C16orf89: variants seen among roughly 807,000 people sequenced by gnomAD.
C16orf89 encodes UPF0764 protein C16orf89.
In C16orf89, 57 loss-of-function variants were observed where a neutral mutation model predicts 41.5. The ratio of observed to expected loss-of-function variants is 1.38; its 90% CI spans 1.11 to 1.71. C16orf89 has a LOEUF of 1.71. C16orf89 is among the 40% of genes most tolerant of loss of function. C16orf89 has a pLI of 0.00. For missense variants in C16orf89, 575 were observed against 445.9 expected, an observed-to-expected ratio of 1.29 and a Z score of -2.61; for synonymous variants, 223 against 190.6, an observed-to-expected ratio of 1.17 and a Z score of -1.40.
intron 2 of C16orf89, among the ~76,000 whole-genome samples, chr16:5,061,917 G>T (rs1956634846): frequency 6.6e-6 from 1 of 152,138 alleles, no homozygotes; most frequent in South Asian, 2.1e-4. Flanking sequence ...GTCACTCGGG[G>T]CTGGTGAGGA....
intron 6 of C16orf89, among the ~76,000 whole-genome samples, chr16:5,050,319 G>C (rs997492963): frequency 6.6e-6 from 1 of 151,858 alleles, no homozygotes; most frequent in South Asian, 2.1e-4. Flanking sequence ...AGTGAGCTGA[G>C]ATTGCGCCAC....
In C16orf89 at chr16:5,062,520, A is replaced by G; in HGVS notation, c.263T>C (p.Leu88Pro). Residue 88 changes from leucine (L) to proline (P), a missense_variant, in exon 2 of 8, where the codon CTG becomes CCG. Transcript: ENST00000472572. The part of the protein sequence containing the change: ...KWAQEPLLQP[L>P]SLRVGMLGEK... ...CCCCAGCATCCCCACGCGCAGGCTC[A>G]GCGGCTGCAGCAGGGGCTCCTGGGC... The G allele has an allele frequency of 6.2e-7, 1 of 1,613,938 alleles. No homozygotes were observed. The highest frequency in any genetic ancestry group is 8.5e-7 in the Non-Finnish European group (1 of 1,179,870).
At position 5,047,894 on chromosome 16, in the gene C16orf89, T is replaced by C; in HGVS notation, c.939A>G (p.Arg313=). 1 of 1,589,714 alleles carries C rather than the reference T, an allele frequency of 6.3e-7. No individual in the cohort carries two copies. The highest frequency in any genetic ancestry group is 8.6e-7 in the Non-Finnish European group (1 of 1,158,736). ...QQHFSRRVKR[R]EKQFPDGCSS... is the part of the protein sequence containing the mutation. ...TTTCATTACCTGGAAATTGTTTTTC[T>C]CGCCTCTTCACTCTCCTCGAAAAAT... The change falls in exon 7 of 8, where the codon CGA becomes CGG. Residue 313 remains arginine (R), a synonymous_variant. Coordinates refer to ENST00000472572, the MANE Select transcript of C16orf89 (RefSeq NM_001098514.3).
intron 6 of C16orf89, among the ~76,000 whole-genome samples, chr16:5,051,350 C>A (rs1006623102): frequency 6.6e-6 from 1 of 152,072 alleles, no homozygotes; most frequent in South Asian, 2.1e-4. Flanking sequence ...ATGAATTCAA[C>A]AAAGTTGCAG....
In C16orf89 at chr16:5,056,070, T is replaced by G; in HGVS notation, c.746A>C (p.Asp249Ala). 1 of 1,595,134 alleles carries G rather than the reference T, an allele frequency of 6.3e-7. No homozygotes were observed. The highest frequency in any genetic ancestry group is 8.6e-7 in the Non-Finnish European group (1 of 1,164,402). ...EAIGYAYPTR[D>A]IFMENIMFCG... ...GGCCATACTGTTTTCCATGAAGATGTCCCGGGTAGGGTAGGCGTATCCGAT... is the reference window on the plus strand; with the variant it reads ...GGCCATACTGTTTTCCATGAAGATGGCCCGGGTAGGGTAGGCGTATCCGAT... The change falls in exon 5 of 8, where the codon GAC becomes GCC. Residue 249 changes from aspartate (D) to alanine (A), a missense_variant. By Grantham distance (126) the Asp-to-Ala change is moderately radical. Transcript: ENST00000472572.
intron 7 of C16orf89, among the ~76,000 whole-genome samples, chr16:5,045,191 A>C (rs1956273137): frequency 6.6e-6 from 1 of 152,194 alleles, no homozygotes; most frequent in Non-Finnish European, 1.5e-5. Context: ...CACGCACCGG[A>C]GTCCTGTCCC....
chr16:5,064,949 C>T (rs1208201665), intron 1 of C16orf89, among the ~76,000 whole-genome samples: 7 of 152,190 alleles, frequency 4.6e-5, no homozygotes, highest in African/African-American at 1.7e-4. Context: ...ATGCAATGCA[C>T]CTGGGTTGTG....
chr16:5,063,832 T>C (rs1190590462), intron 1 of C16orf89, among the ~76,000 whole-genome samples: 1 of 152,114 alleles, frequency 6.6e-6, no homozygotes, highest in Non-Finnish European at 1.5e-5. Context: ...ATAATAACAA[T>C]AAACAGAAAG....
At chr16:5,058,208 C>A (rs1309713221) in intron 4 of C16orf89, among the ~76,000 whole-genome samples, 2 of 151,936 alleles carry the variant, frequency 1.3e-5, no homozygotes, top group African/African-American at 4.8e-5. Flanking sequence ...CTCACTGCAA[C>A]CTCCGCCTCC....
chr16:5,044,257 C>G lies in C16orf89; in HGVS notation c.*91G>C, dbSNP rs1465125544. 6 of 1,468,302 alleles carry G rather than the reference C, an allele frequency of 4.1e-6. No homozygotes were observed. In the East Asian group the frequency reaches 1.5e-4, roughly 37 times the overall value. The allele number at this position is 1,468,302 out of a possible 1,614,324, so 91.0% of individuals were successfully genotyped here. On this transcript the variant is annotated 3_prime_UTR_variant, in exon 8 of 8. Coordinates refer to ENST00000472572, the MANE Select transcript of C16orf89 (RefSeq NM_001098514.3). The stretch of plus-strand genomic sequence containing the variant: ...TGCTTATCCTCCAGATGCCTTCTTC[C>G]CAGGATGTGATCCGTGCCCTCCAGG...
intron 5 of C16orf89, chr16:5,055,637 C>A (rs1333140264): frequency 1.3e-6 from 2 of 1,486,924 alleles, no homozygotes; most frequent in Non-Finnish European, 1.8e-6. Context: ...CTCCCAAGCG[C>A]TCCCTGTCTG....
chr16:5,060,854 C>T (rs1455981881), intron 2 of C16orf89, among the ~76,000 whole-genome samples: 2 of 151,336 alleles, frequency 1.3e-5, no homozygotes, highest in African/African-American at 2.4e-5. Context: ...AAAAAAGTAG[C>T]CAGGTGTGGT....
chr16:5,061,511 C>A (rs1484066618), intron 2 of C16orf89, among the ~76,000 whole-genome samples: 12 of 71,148 alleles, frequency 1.7e-4, no homozygotes, highest in African/African-American at 3.1e-4. Context: ...AAAACCCCCC[C>A]AAAAAAAAAA....
At chr16:5,048,399 G>A (rs1300820109) in intron 6 of C16orf89, among the ~76,000 whole-genome samples, 1 of 152,134 alleles carries the variant, frequency 6.6e-6, no homozygotes, top group East Asian at 1.9e-4. Context: ...AGGAAGTTAG[G>A]TCTTCTCTTG....
At position 5,044,203 on chromosome 16, in the gene C16orf89, G is replaced by A. The variant is rs1956250350; in HGVS notation, c.*145C>T. On this transcript the variant is annotated 3_prime_UTR_variant, in exon 8 of 8. Transcript: ENST00000472572. Reference sequence around the variant, plus strand: ...CCTACCCTGGCCTTGCCTACTCAGGGCTTCCAAGATTGGGTGTCGGGGTGG... The same window carrying A: ...CCTACCCTGGCCTTGCCTACTCAGGACTTCCAAGATTGGGTGTCGGGGTGG... 7.1e-7 allele frequency: 1 copy of A among 1,404,878 alleles called. No individual in the cohort carries two copies. Among genetic ancestry groups the A allele is most frequent in the Non-Finnish European group, 9.2e-7 (1 of 1,084,374 alleles). 87.0% of individuals were successfully genotyped at this position (1,404,878 alleles called of 1,614,324 possible). A position where few individuals can be genotyped will look rare whatever the true frequency, so the allele number is the denominator to read the frequency against.
At chr16:5,059,230 G>C (rs1182290827) in intron 3 of C16orf89, among the ~76,000 whole-genome samples, 1 of 151,820 alleles carries the variant, frequency 6.6e-6, no homozygotes, top group Admixed American at 6.6e-5. Flanking sequence ...CAGCCTGGGA[G>C]ACAGAGCGAG....
chr16:5,059,318 T>C (rs963344101), intron 3 of C16orf89, among the ~76,000 whole-genome samples: 2 of 150,978 alleles, frequency 1.3e-5, no homozygotes, highest in Non-Finnish European at 2.9e-5. Flanking sequence ...ATACAAAAAT[T>C]AGCCGGGCAT....
At chr16:5,050,971 A>G (rs1040963957) in intron 6 of C16orf89, among the ~76,000 whole-genome samples, 3 of 152,230 alleles carry the variant, frequency 2.0e-5, no homozygotes, top group Admixed American at 6.5e-5. Flanking sequence ...ATCTTAATAG[A>G]TGCAGGAAAA....
intron 6 of C16orf89, among the ~76,000 whole-genome samples, chr16:5,054,136 G>A (rs960857261): frequency 1.3e-5 from 2 of 152,128 alleles, no homozygotes; most frequent in African/African-American, 2.4e-5. Flanking sequence ...CTTTTGCTTC[G>A]TGGAGCATCC....
Sources: gnomAD v4.1 joint callset for allele counts (sites outside exome capture counted in the v4.1 genomes callset) on GRCh38, gnomAD v4.1.1 for gene constraint, MANE v1.5 for transcripts, NCBI Gene and HGNC (gene_info 2026-07-23, HGNC 2026-07-21) for gene names.